Variants in ANKLE2 observed in about 807,000 individuals in gnomAD.
ANKLE2 encodes ankyrin repeat and LEM domain-containing protein 2.
ANKLE2 carries 55 observed loss-of-function variants against 84.2 expected under a neutral mutation model. The ratio of observed to expected loss-of-function variants is 0.65; its 90% confidence interval spans 0.53 to 0.82. The LOEUF is 0.82. ANKLE2 is among the 40% of genes least tolerant of loss of function. ANKLE2 has a pLI of 0.00. For synonymous variants in ANKLE2, 551 were observed against 486.1 expected (o/e 1.13, Z -1.76); for missense variants, 1,238 against 1,201.9 (o/e 1.03, Z -0.44).
intron 10 of ANKLE2, among the ~76,000 whole-genome samples, chr12:132,733,464 C>A (rs114239391): frequency 0.015 from 2,254 of 147,032 alleles, 63 homozygotes; most frequent in African/African-American, 0.054. Flanking sequence ...GTCTGATATA[C>A]CCCGTGTGAA....
At chr12:132,759,628 T>TA (rs1566042726) in intron 1 of ANKLE2, 1 of 146,060 alleles carries the variant, frequency 6.8e-6, no homozygotes, top group African/African-American at 2.8e-5. Flanking sequence ...CAGTATTTTT[T>TA]TATTTCAGCC....
Position 132,729,709 on chromosome 12 carries a change from C to G in ANKLE2, c.2453G>C (p.Arg818Thr), listed in dbSNP as rs745775918. The G allele has an allele frequency of 9.9e-6, 16 of 1,608,738 alleles. No homozygotes were observed. Among genetic ancestry groups the G allele is most frequent in the Non-Finnish European group, 1.3e-5 (15 of 1,178,792 alleles). The change falls in exon 11 of 13, where the codon AGG becomes ACG. Residue 818 changes from arginine (R) to threonine (T), a missense_variant. Arg to Thr is a moderately conservative substitution (Grantham distance 71). Transcript: ENST00000357997. ...AAGGAAGAGCCGCCTGGCCGGTTCC[C>G]TGGTGACCTCGAGCTGATCCTCGTG... is the stretch of plus-strand genomic sequence containing the variant. Reference protein sequence around the residue: ...PRHEDQLEVTREPARRLFLFG... With the variant: ...PRHEDQLEVTTEPARRLFLFG...
Position 132,730,232 on chromosome 12 carries a change from C to T in ANKLE2, c.1930G>A (p.Asp644Asn), listed in dbSNP as rs1410208765. The change falls in exon 11 of 13, where the codon GAT becomes AAT. Residue 644 changes from aspartate (D) to asparagine (N), a missense_variant. By Grantham distance (23) the Asp-to-Asn change is conservative. Transcript: ENST00000357997. ...SISVRAFLDE[D>N]DMSLEEIKNR... ...TTTATTTCTTCCAAGCTCATGTCAT[C>T]TTCATCTAGAAACGCCCTCACGGAA... The T allele has an allele frequency of 6.3e-7, 1 of 1,581,664 alleles. No homozygotes were observed. The highest frequency in any genetic ancestry group is 1.4e-5 in the African/African-American group (1 of 73,706).
chr12:132,755,477 G>A (rs770539248), intron 1 of ANKLE2: 21 of 168,678 alleles, frequency 1.2e-4, no homozygotes, highest in African/African-American at 3.2e-4. Context: ...CCCAGGAGGC[G>A]GAGGCTGCAA....
At chr12:132,733,211 T>G (rs1335363735) in intron 10 of ANKLE2, among the ~76,000 whole-genome samples, 28 of 102,402 alleles carry the variant, frequency 2.7e-4, no homozygotes, top group Middle Eastern at 0.013. Flanking sequence ...CGTGTGAAGC[T>G]CTCTGCGTCC....
At position 132,735,605 on chromosome 12, in the gene ANKLE2, T is replaced by C. The variant is rs10781637; in HGVS notation, c.1594-93A>G. 0.62 allele frequency: 592,573 copies of C among 948,628 alleles called. 188,194 individuals carry two copies. The highest frequency in any genetic ancestry group is 0.77 in the East Asian group (31,945 of 41,302). The allele number at this position is 948,628 out of a possible 1,614,324, so 58.8% of individuals were successfully genotyped here. On this transcript the variant is annotated intron_variant, in intron 8 of 12. Transcript: ENST00000357997. ...AGCCGTCGTCATCGCAGTAGCTGCCTGTCTCCGCACACCCTTCCTTCTCTC... is the reference window on the plus strand; with the variant it reads ...AGCCGTCGTCATCGCAGTAGCTGCCCGTCTCCGCACACCCTTCCTTCTCTC...
At chr12:132,744,055 C>T (rs576969456) in intron 5 of ANKLE2, among the ~76,000 whole-genome samples, 12 of 152,218 alleles carry the variant, frequency 7.9e-5, no homozygotes, top group African/African-American at 2.4e-5. Flanking sequence ...CATGACGCTG[C>T]GTCACGCCCT....
In ANKLE2 at chr12:132,732,745, A is replaced by G. The variant is rs1351737014; in HGVS notation, c.1891+1640T>C. Among the ~76,000 whole-genome samples, 2 of 114,350 alleles carry G rather than the reference A, an allele frequency of 1.7e-5. 1 individual carries two copies. Among genetic ancestry groups the G allele is most frequent in the Non-Finnish European group, 3.7e-5 (2 of 54,266 alleles). 75.0% of individuals were successfully genotyped at this position (114,350 alleles called of 152,430 possible). A position where few individuals can be genotyped will look rare whatever the true frequency, so the allele number is the denominator to read the frequency against. On this transcript the variant is annotated intron_variant, in intron 10 of 12. Transcript: ENST00000357997. The stretch of plus-strand genomic sequence containing the variant: ...CTCTGCGTCCTGGTGTCTGATATGC[A>G]CCATGTGAAGCACTGCGCGTCCTGG...
chr12:132,742,006 A>G, intron 6 of ANKLE2: 1 of 348,264 alleles, frequency 2.9e-6, no homozygotes. Flanking sequence ...AAAAACCAAC[A>G]ACCTTCAAAT....
chr12:132,748,056 G>A (rs1214670141), intron 4 of ANKLE2, 36 bp from the exon 5 acceptor site: 3 of 1,600,632 alleles, frequency 1.9e-6, no homozygotes, highest in Non-Finnish European at 2.6e-6. Flanking sequence ...CTTCCTATCT[G>A]ATGTGTGGAC....
intron 5 of ANKLE2, 106 bp downstream of exon 5, chr12:132,747,726 C>G: frequency 1.4e-6 from 2 of 1,405,528 alleles, no homozygotes. Flanking sequence ...GTATCTTTTC[C>G]CCAAAGTTAT....
At position 132,727,364 on chromosome 12, in the gene ANKLE2, TC is replaced by T. The variant is rs1349805197; in HGVS notation, c.2694del (p.Arg899GlufsTer63). On this transcript the variant is annotated frameshift_variant, in exon 13 of 13. Coordinates refer to ENST00000357997, the MANE Select transcript of ANKLE2 (RefSeq NM_015114.3). LOFTEE classifies it low-confidence loss of function (END_TRUNC). The stretch of plus-strand genomic sequence containing the variant: ...GGGTTGCTTCCAGCCACGCTGTTTC[TC>T]CCCGGACTGTAGCTGTGAGGGCCAC... ...DLSGPHSYSP[G>X]RNSVAGSNPA... The T allele has an allele frequency of 1.9e-6, 3 of 1,561,550 alleles. No homozygotes were observed. The highest frequency in any genetic ancestry group is 2.6e-6 in the Non-Finnish European group (3 of 1,152,952).
intron 10 of ANKLE2, 83 bp from the exon 11 acceptor site, chr12:132,730,353 C>T: frequency 7.0e-6 from 3 of 428,658 alleles, no homozygotes; most frequent in African/African-American, 3.6e-5. Context: ...GACCAACTGC[C>T]GTGACCCCAG....
intron 5 of ANKLE2, among the ~76,000 whole-genome samples, chr12:132,744,505 C>A (rs1038729470): frequency 6.6e-6 from 1 of 152,088 alleles, no homozygotes; most frequent in Non-Finnish European, 1.5e-5. Flanking sequence ...CCTAGGTCAC[C>A]CGCAAATGTC....
chr12:132,761,780 C>A lies in ANKLE2; in HGVS notation c.19G>T (p.Ala7Ser). The A allele has an allele frequency of 1.7e-6, 2 of 1,149,210 alleles. No individual in the cohort carries two copies. Among genetic ancestry groups the A allele is most frequent in the South Asian group, 8.4e-5 (2 of 23,892 alleles). The allele number at this position is 1,149,210 out of a possible 1,614,324, so 71.2% of individuals were successfully genotyped here. ...GCCAGCGCCGCCCACTCGGCCGCCG[C>A]CAGCCGCGGCCACAGCATCGCCGCC... MLWPRL[A>S]AAEWAALAWE... Residue 7 changes from alanine (A) to serine (S), a missense_variant, in exon 1 of 13, where the codon GCG becomes TCG. Ala to Ser is a moderately conservative substitution (Grantham distance 99). Coordinates refer to ENST00000357997, the MANE Select transcript of ANKLE2 (RefSeq NM_015114.3).
chr12:132,727,458 A>T lies in ANKLE2; in HGVS notation c.2616-15T>A, dbSNP rs1307297159. The T allele has an allele frequency of 1.3e-6, 2 of 1,551,366 alleles. No individual in the cohort carries two copies. On this transcript the variant is annotated splice_polypyrimidine_tract_variant and intron_variant, in intron 12 of 12. Coordinates refer to ENST00000357997, the MANE Select transcript of ANKLE2 (RefSeq NM_015114.3). Reference sequence around the variant, plus strand: ...GACTGGGCCAACTGCGGAAAGCAAGAAAGAACTGTTAGCAGACGGGCACAG... The same window carrying T: ...GACTGGGCCAACTGCGGAAAGCAAGTAAGAACTGTTAGCAGACGGGCACAG...
intron 10 of ANKLE2, 57 bp downstream of exon 10, chr12:132,734,328 G>C (rs1384883481): frequency 1.3e-6 from 2 of 1,579,230 alleles, no homozygotes; most frequent in East Asian, 4.5e-5. Context: ...CATCCCGTCA[G>C]ACCCCGGCCA....
intron 7 of ANKLE2, chr12:132,738,107 G>A (rs952144551): frequency 6.8e-6 from 1 of 146,998 alleles, no homozygotes; most frequent in Non-Finnish European, 1.5e-5. Context: ...GTGGGCTGCT[G>A]TGCCCGGCCT....
chr12:132,749,844 T>C (rs565691174), intron 3 of ANKLE2, among the ~76,000 whole-genome samples: 1 of 152,174 alleles, frequency 6.6e-6, no homozygotes, highest in South Asian at 2.1e-4. Flanking sequence ...GTCCTTGAAG[T>C]AGGTATAGCT....
Sources: allele counts gnomAD v4.1 joint callset (sites outside exome capture counted in the v4.1 genomes callset), GRCh38; gene constraint gnomAD v4.1.1; transcripts MANE v1.5; gene names NCBI Gene and HGNC (gene_info 2026-07-23, HGNC 2026-07-21).